Variants in LRRFIP1 observed in about 807,000 individuals in gnomAD.
The protein encoded by LRRFIP1 is LRR binding FLII interacting protein 1.
Under a neutral mutation model 104.4 loss-of-function variants are expected in LRRFIP1, and 62 were observed. That is an observed-to-expected ratio of 0.59 (90% CI 0.48 to 0.73). The LOEUF (loss-of-function observed/expected upper bound fraction) is 0.73, where lower values mean the gene tolerates loss of function less well. LRRFIP1 is among the 30% of genes least tolerant of loss of function. LRRFIP1 has a pLI of 0.00. For missense variants in LRRFIP1, 796 were observed against 824.5 expected (o/e 0.97, Z 0.42); for synonymous variants, 300 against 299.0 (o/e 1.00, Z -0.03).
intron 1 of LRRFIP1, among the ~76,000 whole-genome samples, chr2:237,693,730 G>A (rs1259125797): frequency 6.6e-6 from 1 of 152,188 alleles, no homozygotes; most frequent in East Asian, 1.9e-4. Context: ...GGATGGAGGT[G>A]AAGAGCTGCC....
chr2:237,640,095 G>A (rs935100114), intron 1 of LRRFIP1, among the ~76,000 whole-genome samples: 8 of 152,092 alleles, frequency 5.3e-5, no homozygotes, highest in African/African-American at 1.9e-4. Flanking sequence ...CTGCAAGGAG[G>A]GTAAAAAGCC....
intron 1 of LRRFIP1, among the ~76,000 whole-genome samples, chr2:237,666,060 C>A (rs1575279905): frequency 6.6e-6 from 1 of 152,216 alleles, no homozygotes; most frequent in East Asian, 1.9e-4. Context: ...CTGGCTGCAC[C>A]ACCGATTGTC....
At chr2:237,716,823 G>A (rs767306965) in intron 3 of LRRFIP1, among the ~76,000 whole-genome samples, 42 of 152,186 alleles carry the variant, frequency 2.8e-4, no homozygotes, top group Non-Finnish European at 5.7e-4. Context: ...GGGATTCCCT[G>A]ATTGAGTGGC....
chr2:237,747,873 T>A (rs547528633), intron 11 of LRRFIP1, among the ~76,000 whole-genome samples: 17 of 152,032 alleles, frequency 1.1e-4, no homozygotes, highest in Non-Finnish European at 1.8e-4. Context: ...CTCCAGGTAG[T>A]TAATCTTTGT....
chr2:237,768,744 G>GA (rs2060393868), intron 19 of LRRFIP1: 1 of 152,178 alleles, frequency 6.6e-6, no homozygotes, highest in South Asian at 2.1e-4. Flanking sequence ...CATAATTAGA[G>GA]AAAAATGTAA....
intron 22 of LRRFIP1, 129 bp from the exon 23 acceptor site, chr2:237,774,229 T>C (rs1237833461): frequency 1.6e-6 from 1 of 644,208 alleles, no homozygotes; most frequent in African/African-American, 1.8e-5. Context: ...TAGTCCAAAA[T>C]GTTATAAGTA....
chr2:237,713,708 T>C (rs2094207579), intron 2 of LRRFIP1, among the ~76,000 whole-genome samples: 1 of 152,226 alleles, frequency 6.6e-6, no homozygotes, highest in Admixed American at 6.5e-5. Flanking sequence ...AAGAAACCTC[T>C]GAAGCAAACG....
At chr2:237,778,916 C>CA (rs35820087) in intron 23 of LRRFIP1, among the ~76,000 whole-genome samples, 35,189 of 137,434 alleles carry the variant, frequency 0.26, 4,505 homozygotes, top group East Asian at 0.42. Context: ...GACTTTGTCT[C>CA]AAAAAAAAAA....
intron 1 of LRRFIP1, among the ~76,000 whole-genome samples, chr2:237,686,300 A>C (rs77222339): frequency 0.029 from 4,439 of 152,260 alleles, 166 homozygotes; most frequent in African/African-American, 0.085. Context: ...ACAATAAAAG[A>C]CCTATTAGAT....
intron 4 of LRRFIP1, 110 bp from the exon 5 acceptor site, chr2:237,719,413 T>C (rs1322599735): frequency 3.0e-6 from 2 of 668,714 alleles, no homozygotes; most frequent in Non-Finnish European, 5.3e-6. Flanking sequence ...ATGTGACATT[T>C]AGATCAGAAC....
At chr2:237,774,208 A>G (rs2060895277) in intron 22 of LRRFIP1, 150 bp from the exon 23 acceptor site, 1 of 614,640 alleles carries the variant, frequency 1.6e-6, no homozygotes, top group Non-Finnish European at 2.9e-6. Flanking sequence ...GCTTGGCTCA[A>G]ACCCACACCA....
At chr2:237,730,158 G>T (rs2094936665) in intron 8 of LRRFIP1, among the ~76,000 whole-genome samples, 1 of 152,164 alleles carries the variant, frequency 6.6e-6, no homozygotes, top group Non-Finnish European at 1.5e-5. Flanking sequence ...ATAATTAGAA[G>T]AATGCTCTTG....
At chr2:237,689,082 G>A (rs1320810413) in intron 1 of LRRFIP1, among the ~76,000 whole-genome samples, 2 of 151,812 alleles carry the variant, frequency 1.3e-5, no homozygotes, top group Non-Finnish European at 2.9e-5. Context: ...GGGTGGGAGA[G>A]GGGACTACCT....
At chr2:237,775,785 A>C (rs66927236) in intron 23 of LRRFIP1, among the ~76,000 whole-genome samples, 29,570 of 151,876 alleles carry the variant, frequency 0.19, 3,226 homozygotes, top group East Asian at 0.38. Flanking sequence ...CTGCTTTGAC[A>C]CATGAGCGTG....
intron 1 of LRRFIP1, among the ~76,000 whole-genome samples, chr2:237,638,271 G>A (rs998744696): frequency 2.6e-5 from 4 of 152,130 alleles, no homozygotes; most frequent in South Asian, 2.1e-4. Context: ...CATAAGGAGC[G>A]CACAACCTAG....
intron 1 of LRRFIP1, among the ~76,000 whole-genome samples, chr2:237,697,999 G>A (rs2093304454): frequency 6.6e-6 from 1 of 152,158 alleles, no homozygotes; most frequent in African/African-American, 2.4e-5. Context: ...ATTTCTTAGC[G>A]CCAGTGGGAG....
At chr2:237,687,412 C>T (rs1405995728) in intron 1 of LRRFIP1, among the ~76,000 whole-genome samples, 1 of 151,910 alleles carries the variant, frequency 6.6e-6, no homozygotes, top group African/African-American at 2.4e-5. Flanking sequence ...CGAGACCAGC[C>T]TGGCCAACAT....
chr2:237,703,308 G>A lies in LRRFIP1; in HGVS notation c.97-5236G>A, dbSNP rs978279690. 6.6e-6 allele frequency among the ~76,000 whole-genome samples: 1 copy of A among 152,102 alleles called. No individual in the cohort carries two copies. The highest frequency in any genetic ancestry group is 1.9e-4 in the East Asian group (1 of 5,192). On this transcript the variant is annotated intron_variant, in intron 1 of 23. Coordinates refer to ENST00000308482, the MANE Select transcript of LRRFIP1 (RefSeq NM_001137550.2). The surrounding 1 kb of genome is among the most constrained non-coding windows in gnomAD (Gnocchi z 4.3). Reference sequence around the variant, plus strand: ...AGCTTGATCCGCTGCAGCCCAGCCCGTTCCTGTCCCCATGCTGGAAGCAGC... The same window carrying A: ...AGCTTGATCCGCTGCAGCCCAGCCCATTCCTGTCCCCATGCTGGAAGCAGC...
At chr2:237,737,554 G>A (rs1040151025) in intron 10 of LRRFIP1, among the ~76,000 whole-genome samples, 1 of 152,178 alleles carries the variant, frequency 6.6e-6, no homozygotes, top group African/African-American at 2.4e-5. Context: ...TGGGCAGTAA[G>A]CTCTATTCAC....
Sources: gnomAD v4.1 joint callset for allele counts (sites outside exome capture counted in the v4.1 genomes callset) on GRCh38, gnomAD v4.1.1 for gene constraint, Gnocchi (gnomAD v3.1) non-coding constraint, MANE v1.5 for transcripts, NCBI Gene and HGNC (gene_info 2026-07-23, HGNC 2026-07-21) for gene names.